The following SGCZ variants were observed in gnomAD, a reference collection of about 807,000 sequenced individuals.
SGCZ encodes sarcoglycan zeta.
In SGCZ, 40 loss-of-function variants were observed where a neutral mutation model predicts 41.3. The ratio of observed to expected loss-of-function variants is 0.97; its 90% CI spans 0.75 to 1.26. The LOEUF (loss-of-function observed/expected upper bound fraction) is 1.26, where lower values mean the gene tolerates loss of function less well. Among genes scored for constraint, SGCZ ranks in the 50% most tolerant of loss-of-function variants. SGCZ has a pLI of 0.00. For missense variants in SGCZ, 552 were observed against 369.8 expected (o/e 1.49, Z -4.04); for synonymous variants, 206 against 137.5 (o/e 1.50, Z -3.49).
chr8:14,175,697 G>A (rs1206420591), intron 4 of SGCZ, among the ~76,000 whole-genome samples: 1 of 152,028 alleles, frequency 6.6e-6, no homozygotes, highest in Non-Finnish European at 1.5e-5. Flanking sequence ...AACAAAAAAG[G>A]AGGTAGAAAA....
chr8:14,790,796 C>T (rs1800924857), intron 1 of SGCZ, among the ~76,000 whole-genome samples: 1 of 152,048 alleles, frequency 6.6e-6, no homozygotes, highest in African/African-American at 2.4e-5. Context: ...TTAGGGAGGT[C>T]AAGGTGGGTG....
At chr8:14,793,075 C>T (rs1360733782) in intron 1 of SGCZ, among the ~76,000 whole-genome samples, 1 of 152,152 alleles carries the variant, frequency 6.6e-6, no homozygotes, top group Non-Finnish European at 1.5e-5. Flanking sequence ...CCACCATGTT[C>T]CTATTTGATT....
intron 2 of SGCZ, among the ~76,000 whole-genome samples, chr8:14,404,811 G>C (rs1234389568): frequency 6.6e-6 from 1 of 152,136 alleles, no homozygotes; most frequent in South Asian, 2.1e-4. Context: ...CATCGTCTAG[G>C]CTTCAAAGCC....
At chr8:14,925,077 C>A (rs117456041) in intron 1 of SGCZ, among the ~76,000 whole-genome samples, 6,056 of 152,080 alleles carry the variant, frequency 0.04, 153 homozygotes, top group Non-Finnish European at 0.062. Flanking sequence ...AGGCTGCTCT[C>A]GAACTCCTGA....
At chr8:14,240,879 G>A (rs758169472) in intron 3 of SGCZ, among the ~76,000 whole-genome samples, 4 of 152,030 alleles carry the variant, frequency 2.6e-5, no homozygotes, top group Non-Finnish European at 4.4e-5. Context: ...TAAAACACAT[G>A]TATGTGATAA....
Position 14,132,497 on chromosome 8 carries a change from C to A in SGCZ, c.548-24262G>T, listed in dbSNP as rs142021088. The stretch of plus-strand genomic sequence containing the variant: ...ATTTCTTGTATATCGTTACAGAAAT[C>A]TTCTAAACAATACGTTCTGTTTGTT... On this transcript the variant is annotated intron_variant, in intron 5 of 7. Coordinates refer to ENST00000382080, the MANE Select transcript of SGCZ (RefSeq NM_139167.4). 3.5e-3 allele frequency among the ~76,000 whole-genome samples: 539 copies of A among 152,264 alleles called. 2 individuals carry two copies. The highest frequency in any genetic ancestry group is 1.1e-3 in the Non-Finnish European group (78 of 68,020).
intron 4 of SGCZ, among the ~76,000 whole-genome samples, chr8:14,177,880 G>A (rs1045060793): frequency 1.7e-4 from 26 of 150,258 alleles, no homozygotes; most frequent in Non-Finnish European, 7.4e-5. Flanking sequence ...CTGGTCTTGA[G>A]ATAAAACTCA....
At chr8:14,745,350 C>G (rs1400567155) in intron 1 of SGCZ, among the ~76,000 whole-genome samples, 1 of 152,138 alleles carries the variant, frequency 6.6e-6, no homozygotes, top group African/African-American at 2.4e-5. Flanking sequence ...CTTTTGGAAG[C>G]TAGATCTGTA....
chr8:14,319,860 A>C (rs939768007), intron 3 of SGCZ, among the ~76,000 whole-genome samples: 1 of 152,100 alleles, frequency 6.6e-6, no homozygotes, highest in South Asian at 2.1e-4. Context: ...AAATTAAAAC[A>C]TGGAGCTAAT....
chr8:14,542,842 C>A (rs1021764208), intron 2 of SGCZ, among the ~76,000 whole-genome samples: 2 of 152,098 alleles, frequency 1.3e-5, no homozygotes, highest in African/African-American at 4.8e-5. Context: ...GATCTCTCTG[C>A]TAAGGGTGCT....
intron 1 of SGCZ, among the ~76,000 whole-genome samples, chr8:14,832,922 C>A (rs1438315616): frequency 6.6e-6 from 1 of 151,892 alleles, no homozygotes; most frequent in Non-Finnish European, 1.5e-5. Context: ...TAAATATAAT[C>A]TTGCATATAT....
At position 14,849,446 on chromosome 8, in the gene SGCZ, T is replaced by C. The variant is rs185141726; in HGVS notation, c.40-294520A>G. ...GGAAACAACAGGTGAATAGATTCCA[T>C]AGAATGGAATACTACTCATCAATAA... is the stretch of plus-strand genomic sequence containing the variant. On this transcript the variant is annotated intron_variant, in intron 1 of 7. Coordinates refer to ENST00000382080, the MANE Select transcript of SGCZ (RefSeq NM_139167.4). Among the ~76,000 whole-genome samples, 19 of 152,210 alleles carry C rather than the reference T, an allele frequency of 1.2e-4. No individual in the cohort carries two copies. The East Asian group carries it at 3.3e-3, about 26-fold the overall frequency.
chr8:15,216,827 G>C lies in SGCZ; in HGVS notation c.39+20758C>G, dbSNP rs537313393. On this transcript the variant is annotated intron_variant, in intron 1 of 7. Coordinates refer to ENST00000382080, the MANE Select transcript of SGCZ (RefSeq NM_139167.4). Reference sequence around the variant, plus strand: ...AGAATAAAACAGACTAGAATTAGGAGAGAATAAAACTCTTCACTTCTTGAG... The same window carrying C: ...AGAATAAAACAGACTAGAATTAGGACAGAATAAAACTCTTCACTTCTTGAG... Among the ~76,000 whole-genome samples, 78 of 152,208 alleles carry C rather than the reference G, an allele frequency of 5.1e-4. 1 individual carries two copies. The South Asian group carries it at 0.015, about 30-fold the overall frequency.
intron 1 of SGCZ, among the ~76,000 whole-genome samples, chr8:14,652,353 G>GGT (rs1807431536): frequency 3.1e-5 from 3 of 97,006 alleles, no homozygotes; most frequent in African/African-American, 1.0e-4. Context: ...AAAAGGGGGG[G>GGT]GTGTGGGGGG....
At chr8:14,196,464 T>G (rs1298118135) in intron 4 of SGCZ, among the ~76,000 whole-genome samples, 1 of 152,106 alleles carries the variant, frequency 6.6e-6, no homozygotes, top group African/African-American at 2.4e-5. Context: ...TTTCAGCCAC[T>G]GTGAAAAAGA....
intron 3 of SGCZ, among the ~76,000 whole-genome samples, chr8:14,248,241 A>T (rs909814175): frequency 7.2e-5 from 11 of 152,284 alleles, no homozygotes; most frequent in Admixed American, 7.2e-4. Flanking sequence ...GTAGTATTGC[A>T]TGCTTATGGC....
intron 2 of SGCZ, among the ~76,000 whole-genome samples, chr8:14,476,897 T>C (rs11985895): frequency 0.036 from 5,428 of 152,282 alleles, 300 homozygotes; most frequent in African/African-American, 0.12. Context: ...GACATTCATG[T>C]ACTCTAAACC....
intron 5 of SGCZ, among the ~76,000 whole-genome samples, chr8:14,160,669 T>C (rs1263162223): frequency 6.6e-6 from 1 of 152,174 alleles, no homozygotes; most frequent in African/African-American, 2.4e-5. Context: ...TTGCTCTTTA[T>C]GGTGATGGGG....
chr8:14,225,184 TGATA>T (rs377599706), intron 4 of SGCZ, among the ~76,000 whole-genome samples: 44 of 152,288 alleles, frequency 2.9e-4, no homozygotes, highest in African/African-American at 1.0e-3. Flanking sequence ...CCAATGAAGA[TGATA>T]GATAATTTCT....
Sources: gnomAD v4.1 joint callset for allele counts (sites outside exome capture counted in the v4.1 genomes callset) on GRCh38, gnomAD v4.1.1 for gene constraint, MANE v1.5 for transcripts, NCBI Gene and HGNC (gene_info 2026-07-23, HGNC 2026-07-21) for gene names.